Variants in SMG7 observed in about 807,000 individuals in gnomAD.
SMG7 encodes the protein SMG7 nonsense mediated mRNA decay factor.
In SMG7, 34 loss-of-function variants were observed where a neutral mutation model predicts 148.2. The ratio of observed to expected loss-of-function variants is 0.23; its 90% CI spans 0.17 to 0.31. The LOEUF (loss-of-function observed/expected upper bound fraction) is 0.31, where lower values mean the gene tolerates loss of function less well. SMG7 is among the 10% of genes least tolerant of loss of function. The pLI, the probability that SMG7 is intolerant of heterozygous loss-of-function variation, is 1.00. For synonymous variants in SMG7, 492 were observed against 515.1 expected (o/e 0.96, Z 0.61); for missense variants, 1,114 against 1,408.4 (o/e 0.79, Z 3.35).
chr1:183,502,180 TA>T, intron 1 of SMG7: 1 of 986,354 alleles, frequency 1.0e-6, no homozygotes, highest in Non-Finnish European at 1.3e-6. Context: ...CAAATAAAGA[TA>T]AAATAATTTT....
At chr1:183,488,280 A>T (rs941777617) in intron 1 of SMG7, among the ~76,000 whole-genome samples, 3 of 152,086 alleles carry the variant, frequency 2.0e-5, no homozygotes, top group Admixed American at 2.0e-4. Context: ...AGTGGTATTG[A>T]TGTATAACTG....
chr1:183,542,577 A>C (rs1208290885), intron 14 of SMG7, 75 bp downstream of exon 14: 1 of 1,324,538 alleles, frequency 7.5e-7, no homozygotes, highest in African/African-American at 1.5e-5. Context: ...TTTGTTCTAA[A>C]GCCATGAGAA....
At position 183,549,768 on chromosome 1, in the gene SMG7, G is replaced by C. The variant is rs749063877; in HGVS notation, c.2978G>C (p.Arg993Thr). The C allele has an allele frequency of 6.2e-7, 1 of 1,613,320 alleles. No homozygotes were observed. Among genetic ancestry groups the C allele is most frequent in the Admixed American group, 1.7e-5 (1 of 59,966 alleles). Reference sequence around the variant, plus strand: ...CTTCACTGTCATGTCTTTCAGGAAAGATACCCAAATAATAGTATGTTCAAT... The same window carrying C: ...CTTCACTGTCATGTCTTTCAGGAAACATACCCAAATAATAGTATGTTCAAT... Reference protein sequence around the residue: ...SLTGFSLNQERYPNNSMFNEV... With the variant: ...SLTGFSLNQETYPNNSMFNEV... The change falls in exon 20 of 23, where the codon AGA becomes ACA. Residue 993 changes from arginine to threonine, a missense_variant. Around this residue, in one of 4 missense-constraint regions of SMG7, gnomAD observed 788 missense variants for 894.5 expected, o/e 0.88. Transcript: ENST00000688051.
At chr1:183,515,698 A>G (rs988113932) in intron 2 of SMG7, among the ~76,000 whole-genome samples, 176 bp from the exon 3 acceptor site, 4 of 152,050 alleles carry the variant, frequency 2.6e-5, no homozygotes, top group East Asian at 1.9e-4. Flanking sequence ...TCATTAGTCA[A>G]AAGTTGAAAG....
intron 2 of SMG7, among the ~76,000 whole-genome samples, chr1:183,514,116 C>T (rs1176715856): frequency 1.3e-5 from 2 of 150,934 alleles, no homozygotes; most frequent in Non-Finnish European, 2.9e-5. Flanking sequence ...TCAGTATGCC[C>T]TCCGTAACAG....
intron 1 of SMG7, chr1:183,473,866 C>T (rs1442605849): frequency 1.0e-6 from 1 of 985,292 alleles, no homozygotes; most frequent in South Asian, 4.7e-5. Flanking sequence ...AAAGTATTGA[C>T]GTGTGTGGAT....
intron 18 of SMG7, chr1:183,548,937 T>C (rs1357849722): frequency 1.1e-5 from 5 of 465,292 alleles, no homozygotes; most frequent in Non-Finnish European, 1.9e-5. Flanking sequence ...TCATAAACAC[T>C]CAGAGTGCTG....
chr1:183,551,772 A>C, intron 22 of SMG7, 46 bp from the exon 23 acceptor site: 1 of 1,459,858 alleles, frequency 6.8e-7, no homozygotes, highest in Non-Finnish European at 9.3e-7. Context: ...CCTTTCAGAC[A>C]ACTTGGCATT....
At chr1:183,515,753 A>T (rs943360173) in intron 2 of SMG7, 121 bp from the exon 3 acceptor site, 11 of 511,656 alleles carry the variant, frequency 2.1e-5, no homozygotes, top group African/African-American at 2.1e-4. Context: ...CATTCTATGG[A>T]ATATATTTAG....
chr1:183,515,828 C>A, intron 2 of SMG7, 46 bp from the exon 3 acceptor site: 1 of 1,237,648 alleles, frequency 8.1e-7, no homozygotes, highest in Non-Finnish European at 1.2e-6. Flanking sequence ...GTTTTAACTG[C>A]TGGGGTTTAT....
intron 1 of SMG7, among the ~76,000 whole-genome samples, chr1:183,489,138 T>TA (rs555571440): frequency 2.0e-5 from 3 of 149,762 alleles, no homozygotes; most frequent in African/African-American, 2.4e-5. Context: ...AATTGAAGCT[T>TA]AAAAAAAAAA....
At chr1:183,498,768 C>T (rs1659117847) in intron 1 of SMG7, among the ~76,000 whole-genome samples, 1 of 152,136 alleles carries the variant, frequency 6.6e-6, no homozygotes, top group Non-Finnish European at 1.5e-5. Flanking sequence ...TCATATTCAC[C>T]CAAAGTTCAT....
chr1:183,474,370 C>T (rs187408499), intron 1 of SMG7, among the ~76,000 whole-genome samples: 1 of 152,320 alleles, frequency 6.6e-6, no homozygotes, highest in Admixed American at 6.5e-5. Context: ...CAAGACCAGC[C>T]TGGCCAGCAT....
chr1:183,538,401 T>G lies in SMG7; in HGVS notation c.1256T>G (p.Phe419Cys). ...SISATPLPEE[F>C]ELQGFLALRP... ...TTAGCGACACCACTTCCAGAGGAGT[T>G]TGAATTACAAGGATTTTTGGCATTG... The change falls in exon 12 of 23, where the codon TTT becomes TGT. Residue 419 changes from phenylalanine (F) to cysteine (C), a missense_variant. Phe to Cys is a radical substitution (Grantham distance 205, BLOSUM62 -2). Around this residue, in one of 4 missense-constraint regions of SMG7, gnomAD observed 102 missense variants for 147.2 expected, o/e 0.69. Coordinates refer to ENST00000688051, the MANE Select transcript of SMG7 (RefSeq NM_001375584.1). The G allele has an allele frequency of 6.2e-7, 1 of 1,613,462 alleles. No individual in the cohort carries two copies. Among genetic ancestry groups the G allele is most frequent in the Non-Finnish European group, 8.5e-7 (1 of 1,179,408 alleles).
In SMG7 at chr1:183,545,112, T is replaced by C. The variant is rs745441928; in HGVS notation, c.2170T>C (p.Ser724Pro). 2 of 1,614,058 alleles carry C rather than the reference T, an allele frequency of 1.2e-6. No individual in the cohort carries two copies. The highest frequency in any genetic ancestry group is 2.2e-5 in the South Asian group (2 of 91,084). ...SHIPYSQQRP[S>P]GPGPMNQGPQ... ...CATTCCTTACAGCCAGCAACGGCCC[T>C]CTGGACCAGGGCCAATGAACCAGGG... Residue 724 changes from serine to proline, a missense_variant, in exon 16 of 23, where the codon TCT (serine) becomes CCT (proline). Ser to Pro is a moderately conservative substitution (Grantham distance 74). Coordinates refer to ENST00000688051, the MANE Select transcript of SMG7 (RefSeq NM_001375584.1).
At chr1:183,486,416 C>CT (rs1009125571) in intron 1 of SMG7, among the ~76,000 whole-genome samples, 5 of 151,894 alleles carry the variant, frequency 3.3e-5, no homozygotes, top group Non-Finnish European at 7.4e-5. Context: ...TGTCACAGGC[C>CT]TTTTTTTTGT....
intron 1 of SMG7, among the ~76,000 whole-genome samples, chr1:183,492,000 G>T (rs1657167775): frequency 6.6e-6 from 1 of 152,196 alleles, no homozygotes; most frequent in African/African-American, 2.4e-5. Context: ...TCTCATCCAT[G>T]AAGGCAGAGT....
At position 183,512,950 on chromosome 1, in the gene SMG7, A is replaced by G. The variant is rs573660212; in HGVS notation, c.61+82A>G. ...GGATATCCTCTTTCTTATATTATGC[A>G]CAGCACTAAATCCCATCTTAGTTGC... On this transcript the variant is annotated intron_variant, in intron 2 of 22. Transcript: ENST00000688051. 7.0e-6 allele frequency: 9 copies of G among 1,287,430 alleles called. No homozygotes were observed. The East Asian group carries it at 2.2e-4, about 32-fold the overall frequency. 79.8% of individuals were successfully genotyped at this position (1,287,430 alleles called of 1,614,324 possible).
chr1:183,518,678 G>T lies in SMG7; in HGVS notation c.312+858G>T, dbSNP rs546518807. 9.9e-5 allele frequency: 15 copies of T among 152,210 alleles called. No individual in the cohort carries two copies. In the East Asian group the frequency reaches 2.5e-3, roughly 25 times the overall value. 9.4% of individuals were successfully genotyped at this position (152,210 alleles called of 1,614,324 possible). A position where few individuals can be genotyped will look rare whatever the true frequency, so the allele number is the denominator to read the frequency against. On this transcript the variant is annotated intron_variant, in intron 4 of 22. Coordinates refer to ENST00000688051, the MANE Select transcript of SMG7 (RefSeq NM_001375584.1). ...CGTCCTGATAGAACTTCTAAATCAG[G>T]CAAGGTAAGAGAATAAATAAATCTT... is the stretch of plus-strand genomic sequence containing the variant.
Sources: gnomAD v4.1 joint callset for allele counts (sites outside exome capture counted in the v4.1 genomes callset) on GRCh38, gnomAD v4.1.1 for gene constraint, gnomAD v4.1.1 regional missense constraint, MANE v1.5 for transcripts, NCBI Gene and HGNC (gene_info 2026-07-23, HGNC 2026-07-21) for gene names.